WWC2: variants seen among roughly 807,000 people sequenced by gnomAD.
WWC2 encodes WW and C2 domain containing 2.
Under a neutral mutation model 138.5 loss-of-function variants are expected in WWC2, and 101 were observed. The ratio of observed to expected loss-of-function variants is 0.73; its 90% CI spans 0.62 to 0.86. The LOEUF is 0.86. Among genes scored for constraint, WWC2 ranks in the 40% least tolerant of loss-of-function variants. WWC2 has a pLI of 0.00. For synonymous variants in WWC2, 558 were observed against 538.4 expected (o/e 1.04, Z -0.50); for missense variants, 1,420 against 1,419.4 (o/e 1.00, Z -0.01).
intron 4 of WWC2, among the ~76,000 whole-genome samples, chr4:183,219,103 A>G (rs944745143): frequency 5.9e-5 from 9 of 152,210 alleles, no homozygotes; most frequent in African/African-American, 1.9e-4. Flanking sequence ...AAGAACAAAT[A>G]TGATTCATCT....
At chr4:183,199,356 C>G (rs1735239476) in intron 2 of WWC2, among the ~76,000 whole-genome samples, 1 of 152,150 alleles carries the variant, frequency 6.6e-6, no homozygotes, top group African/African-American at 2.4e-5. Flanking sequence ...AGAAGAAACG[C>G]ATTTGTCTCT....
chr4:183,308,738 T>C (rs1739106150), intron 21 of WWC2, among the ~76,000 whole-genome samples: 1 of 152,208 alleles, frequency 6.6e-6, no homozygotes, highest in Non-Finnish European at 1.5e-5. Flanking sequence ...AAATACTATG[T>C]AAATAATTGT....
chr4:183,159,628 C>T (rs1733900532), intron 1 of WWC2, among the ~76,000 whole-genome samples: 3 of 151,624 alleles, frequency 2.0e-5, no homozygotes. Flanking sequence ...TTGTCTTGAA[C>T]TCCTAGGCTC....
At chr4:183,113,654 C>G (rs978412899) in intron 1 of WWC2, among the ~76,000 whole-genome samples, 1 of 152,030 alleles carries the variant, frequency 6.6e-6, no homozygotes, top group African/African-American at 2.4e-5. Context: ...TCTGCAGCCT[C>G]CCAAAGTGCT....
chr4:183,143,893 A>G (rs1278458595), intron 1 of WWC2, among the ~76,000 whole-genome samples: 2 of 152,204 alleles, frequency 1.3e-5, no homozygotes, highest in African/African-American at 4.8e-5. Context: ...ATTAAGTGAA[A>G]TATATTTAAA....
At chr4:183,151,854 G>A (rs927446526) in intron 1 of WWC2, among the ~76,000 whole-genome samples, 5 of 152,180 alleles carry the variant, frequency 3.3e-5, no homozygotes, top group African/African-American at 1.2e-4. Context: ...GGTTGTAGAT[G>A]TGTGGTGTTA....
intron 1 of WWC2, among the ~76,000 whole-genome samples, chr4:183,180,859 T>C (rs1289470077): frequency 6.6e-6 from 1 of 152,034 alleles, no homozygotes; most frequent in Non-Finnish European, 1.5e-5. Flanking sequence ...TGAAAAAACT[T>C]ACGTGAACTA....
chr4:183,269,232 G>A (rs1453768336), intron 15 of WWC2, 69 bp downstream of exon 15: 3 of 1,494,306 alleles, frequency 2.0e-6, no homozygotes, highest in African/African-American at 1.4e-5. Context: ...ATACTTTGTA[G>A]TTGCTATTTT....
intron 18 of WWC2, among the ~76,000 whole-genome samples, chr4:183,283,979 G>A (rs1309762042): frequency 3.3e-5 from 5 of 152,066 alleles, no homozygotes; most frequent in Non-Finnish European, 5.9e-5. Flanking sequence ...GATATCACAC[G>A]GCCTGCTGTG....
At chr4:183,232,403 A>G (rs778862936) in intron 4 of WWC2, among the ~76,000 whole-genome samples, 1 of 152,144 alleles carries the variant, frequency 6.6e-6, no homozygotes, top group Non-Finnish European at 1.5e-5. Flanking sequence ...CCTTGTGCCC[A>G]TTAGCAGTTC....
intron 15 of WWC2, among the ~76,000 whole-genome samples, chr4:183,270,268 A>T (rs1737656196): frequency 2.0e-5 from 3 of 152,166 alleles, no homozygotes. Flanking sequence ...AGTGTAATTG[A>T]ATTTAGATTT....
intron 1 of WWC2, among the ~76,000 whole-genome samples, chr4:183,133,721 T>A (rs986476955): frequency 2.6e-5 from 4 of 152,170 alleles, no homozygotes; most frequent in Non-Finnish European, 5.9e-5. Context: ...GGTCTTGAAC[T>A]CCTCACCTCG....
intron 1 of WWC2, among the ~76,000 whole-genome samples, chr4:183,106,248 T>C (rs1476179116): frequency 6.6e-6 from 1 of 151,904 alleles, no homozygotes; most frequent in Non-Finnish European, 1.5e-5. Flanking sequence ...CCTCCCAAAA[T>C]GCTGGGATTA....
chr4:183,099,447 G>T lies in WWC2; in HGVS notation c.-45G>T. On this transcript the variant is annotated 5_prime_UTR_variant, in exon 1 of 23. Coordinates refer to ENST00000403733, the MANE Select transcript of WWC2 (RefSeq NM_024949.6). The stretch of plus-strand genomic sequence containing the variant: ...CAGCCGCGTTCCCGCCGCGTCCCGC[G>T]CCCGGTACCTATGGAGGCGCCGCTC... The T allele has an allele frequency of 8.2e-7, 1 of 1,216,424 alleles. No individual in the cohort carries two copies. Among genetic ancestry groups the T allele is most frequent in the Non-Finnish European group, 1.0e-6 (1 of 970,960 alleles). The allele number at this position is 1,216,424 out of a possible 1,614,324, so 75.4% of individuals were successfully genotyped here.
intron 2 of WWC2, among the ~76,000 whole-genome samples, chr4:183,202,591 A>G (rs1466751105): frequency 2.6e-5 from 4 of 152,188 alleles, no homozygotes; most frequent in Non-Finnish European, 5.9e-5. Context: ...CTAAAGGAAG[A>G]GGGAGCAGAG....
At chr4:183,178,413 TAAA>T in intron 1 of WWC2, among the ~76,000 whole-genome samples, 2 of 148,868 alleles carry the variant, frequency 1.3e-5, no homozygotes, top group South Asian at 2.1e-4. Context: ...AATAAATAAA[TAAA>T]TAAATTTAAA....
At chr4:183,148,213 A>C (rs1733521240) in intron 1 of WWC2, among the ~76,000 whole-genome samples, 2 of 152,200 alleles carry the variant, frequency 1.3e-5, no homozygotes, top group African/African-American at 4.8e-5. Flanking sequence ...GATATAAAGT[A>C]CTAATGAAAA....
chr4:183,187,212 A>G (rs1260212960), intron 1 of WWC2, among the ~76,000 whole-genome samples: 1 of 152,142 alleles, frequency 6.6e-6, no homozygotes, highest in Non-Finnish European at 1.5e-5. Flanking sequence ...CGTTTCACAT[A>G]AAACACAAAA....
At chr4:183,140,091 C>T (rs976175786) in intron 1 of WWC2, among the ~76,000 whole-genome samples, 14 of 152,210 alleles carry the variant, frequency 9.2e-5, no homozygotes, top group Non-Finnish European at 5.9e-5. Context: ...GGATTATAGG[C>T]GTGAGCCACT....
Sources: gnomAD v4.1 joint callset for allele counts (sites outside exome capture counted in the v4.1 genomes callset) on GRCh38, gnomAD v4.1.1 for gene constraint, MANE v1.5 for transcripts, NCBI Gene and HGNC (gene_info 2026-07-23, HGNC 2026-07-21) for gene names.